The following PDGFD variants were observed in gnomAD, a reference collection of about 807,000 sequenced individuals.
The protein encoded by PDGFD is platelet derived growth factor D, also known as platelet-derived growth factor D.
Under a neutral mutation model 44.7 loss-of-function variants are expected in PDGFD, and 30 were observed. The observed-to-expected ratio is 0.67, with a 90% CI of 0.50 to 0.91. The LOEUF (loss-of-function observed/expected upper bound fraction) is 0.91, where lower values mean the gene tolerates loss of function less well. Among genes scored for constraint, PDGFD ranks in the 40% least tolerant of loss-of-function variants. The pLI is 0.00. For missense variants in PDGFD, 445 were observed against 457.8 expected, an observed-to-expected ratio of 0.97 and a Z score of 0.25; for synonymous variants, 173 against 168.4, an observed-to-expected ratio of 1.03 and a Z score of -0.21.
intron 1 of PDGFD, among the ~76,000 whole-genome samples, chr11:104,138,814 T>G (rs1434465232): frequency 1.3e-5 from 2 of 152,070 alleles, no homozygotes; most frequent in South Asian, 2.1e-4. Context: ...CAGGCTGGAG[T>G]GCAGAGGCAT....
intron 1 of PDGFD, among the ~76,000 whole-genome samples, chr11:104,106,719 TCA>T (rs1417446429): frequency 6.7e-6 from 1 of 150,144 alleles, no homozygotes; most frequent in Non-Finnish European, 1.5e-5. Flanking sequence ...CATATGATCC[TCA>T]GTGACCCACG....
At chr11:104,079,895 T>C (rs1158767517) in intron 1 of PDGFD, among the ~76,000 whole-genome samples, 1 of 152,194 alleles carries the variant, frequency 6.6e-6, no homozygotes. Context: ...TACTATAAAC[T>C]TACATTTCTG....
rs1859334195 is a variant in PDGFD, at chr11:103,984,960, T to C, written c.510+11105A>G. ...ATATAACATATTAATTTATTTAATA[T>C]AGTTATATTTATTTAATATATAACA... On this transcript the variant is annotated intron_variant, in intron 3 of 6. Transcript: ENST00000393158. 1.5e-5 allele frequency among the ~76,000 whole-genome samples: 2 copies of C among 135,926 alleles called. 1 individual carries two copies. The highest frequency in any genetic ancestry group is 3.1e-5 in the Non-Finnish European group (2 of 65,078). The allele number at this position is 135,926 out of a possible 152,430, so 89.2% of individuals were successfully genotyped here.
chr11:104,110,218 C>G (rs973258922), intron 1 of PDGFD, among the ~76,000 whole-genome samples: 1 of 152,012 alleles, frequency 6.6e-6, no homozygotes, highest in Non-Finnish European at 1.5e-5. Flanking sequence ...GAAGTTGATT[C>G]TCACTTTGAA....
intron 1 of PDGFD, among the ~76,000 whole-genome samples, chr11:104,135,354 A>C (rs1208035687): frequency 1.3e-5 from 2 of 152,202 alleles, no homozygotes; most frequent in Admixed American, 1.3e-4. Flanking sequence ...AGATGGTGAA[A>C]GATGAGGAGG....
chr11:104,039,093 C>A, intron 1 of PDGFD: 2 of 167,122 alleles, frequency 1.2e-5, no homozygotes. Context: ...GGCTAAAGCA[C>A]CTGAGAGAAA....
At chr11:103,999,454 A>G (rs1859586161) in intron 2 of PDGFD, among the ~76,000 whole-genome samples, 1 of 152,194 alleles carries the variant, frequency 6.6e-6, no homozygotes, top group Non-Finnish European at 1.5e-5. Context: ...CACAGCTTTC[A>G]TCTTCTACTT....
At chr11:103,959,724 A>G (rs1054333184) in intron 3 of PDGFD, among the ~76,000 whole-genome samples, 2 of 152,168 alleles carry the variant, frequency 1.3e-5, no homozygotes, top group African/African-American at 4.8e-5. Context: ...AAAACTTTAC[A>G]AAGAGAAAAA....
chr11:104,140,353 CAT>C (rs1410765868), intron 1 of PDGFD, among the ~76,000 whole-genome samples: 1 of 152,056 alleles, frequency 6.6e-6, no homozygotes, highest in Non-Finnish European at 1.5e-5. Context: ...CAGATTCACA[CAT>C]AAACATTCCA....
chr11:104,147,551 A>G (rs1386307607), intron 1 of PDGFD, among the ~76,000 whole-genome samples: 1 of 152,154 alleles, frequency 6.6e-6, no homozygotes, highest in Non-Finnish European at 1.5e-5. Context: ...TTTATTAATC[A>G]CATTTAAATT....
intron 6 of PDGFD, among the ~76,000 whole-genome samples, chr11:103,923,324 G>A (rs1009913402): frequency 1.7e-4 from 26 of 152,166 alleles, no homozygotes; most frequent in African/African-American, 6.0e-4. Flanking sequence ...ACTGCACAGT[G>A]AAAACCGCTC....
intron 1 of PDGFD, among the ~76,000 whole-genome samples, chr11:104,109,106 T>C (rs180802057): frequency 1.3e-5 from 2 of 151,244 alleles, no homozygotes; most frequent in Non-Finnish European, 2.9e-5. Context: ...ATGTAAATGA[T>C]GAATTAATGG....
intron 5 of PDGFD, among the ~76,000 whole-genome samples, chr11:103,937,985 G>A (rs1467837786): frequency 1.3e-5 from 2 of 151,048 alleles, no homozygotes; most frequent in East Asian, 1.9e-4. Context: ...CCAAGTCTTT[G>A]CTATTGTGAA....
At chr11:103,980,381 T>C (rs1318348113) in intron 3 of PDGFD, among the ~76,000 whole-genome samples, 3 of 152,072 alleles carry the variant, frequency 2.0e-5, no homozygotes, top group Non-Finnish European at 2.9e-5. Flanking sequence ...AAATTTACTA[T>C]TAAGGTTGGA....
intron 1 of PDGFD, among the ~76,000 whole-genome samples, chr11:104,116,845 T>G (rs1275561887): frequency 6.6e-6 from 1 of 151,836 alleles, no homozygotes; most frequent in Non-Finnish European, 1.5e-5. Context: ...TTATCAGGGG[T>G]TTCTGCTTTT....
chr11:104,044,996 C>G (rs1860417788), intron 1 of PDGFD, among the ~76,000 whole-genome samples: 1 of 152,144 alleles, frequency 6.6e-6, no homozygotes, highest in African/African-American at 2.4e-5. Flanking sequence ...CGAGATCGCA[C>G]CACTGCACTC....
chr11:103,915,773 C>T (rs75566988), intron 6 of PDGFD, among the ~76,000 whole-genome samples: 69,310 of 151,640 alleles, frequency 0.46, 15,887 homozygotes, highest in South Asian at 0.49. Context: ...GAACAGAGAC[C>T]TCAGAAATTA....
At chr11:104,012,071 T>C (rs1177294721) in intron 1 of PDGFD, among the ~76,000 whole-genome samples, 1 of 152,150 alleles carries the variant, frequency 6.6e-6, no homozygotes. Context: ...TCCCGCATTA[T>C]GATGATGATA....
chr11:104,014,603 A>G (rs1303058767), intron 1 of PDGFD, among the ~76,000 whole-genome samples: 2 of 152,330 alleles, frequency 1.3e-5, no homozygotes, highest in Admixed American at 1.3e-4. Flanking sequence ...AGCCTTTAAT[A>G]AAGAATAATA....
Sources: gnomAD v4.1 joint callset for allele counts (sites outside exome capture counted in the v4.1 genomes callset) on GRCh38, gnomAD v4.1.1 for gene constraint, MANE v1.5 for transcripts, NCBI Gene and HGNC (gene_info 2026-07-23, HGNC 2026-07-21) for gene names.